The following CCNK variants were observed in gnomAD, a reference collection of about 807,000 sequenced individuals.
The protein encoded by CCNK is cyclin K.
Under a neutral mutation model 65.0 loss-of-function variants are expected in CCNK, and 9 were observed. That is an observed-to-expected ratio of 0.14 (90% CI 0.08 to 0.24). The LOEUF is 0.24. Ranked by LOEUF, CCNK falls within the 10% of genes least tolerant of loss-of-function variation. CCNK has a pLI of 1.00. For synonymous variants in CCNK, 279 were observed against 270.8 expected, an observed-to-expected ratio of 1.03 and a Z score of -0.30; for missense variants, 474 against 720.0, an observed-to-expected ratio of 0.66 and a Z score of 3.91.
At chr14:99,488,325 T>C (rs1226894578) in intron 1 of CCNK, among the ~76,000 whole-genome samples, 1 of 152,118 alleles carries the variant, frequency 6.6e-6, no homozygotes, top group Admixed American at 6.5e-5. Flanking sequence ...ACATTGCATT[T>C]TGTTGTAGCC....
At chr14:99,507,208 GC>G in intron 10 of CCNK, 61 bp downstream of exon 10, 1 of 995,076 alleles carries the variant, frequency 1.0e-6, no homozygotes. Flanking sequence ...GTTGGACGCA[GC>G]AGGTCCTGGG....
intron 1 of CCNK, among the ~76,000 whole-genome samples, chr14:99,485,211 C>T (rs1446293485): frequency 1.3e-5 from 2 of 152,122 alleles, no homozygotes; most frequent in African/African-American, 4.8e-5. Context: ...AGGAGTTTGG[C>T]CAGTTACAGA....
chr14:99,482,531 A>G (rs965933158), intron 1 of CCNK, among the ~76,000 whole-genome samples: 1 of 152,212 alleles, frequency 6.6e-6, no homozygotes, highest in African/African-American at 2.4e-5. Flanking sequence ...TTGACTATGA[A>G]TATAATAATT....
Position 99,510,350 on chromosome 14 carries a change from C to T in CCNK, c.1311C>T (p.Ser437=), listed in dbSNP as rs1422541803. The part of the protein sequence containing the change: ...SYMTGMSTTS[S]YMSGEGYQSL... The stretch of plus-strand genomic sequence containing the variant: ...TGACCGGGATGTCCACCACCAGCTC[C>T]TACATGTCTGGAGAGGGCTACCAGA... Residue 437 remains serine, a synonymous_variant, in exon 11 of 11, where the codon TCC becomes TCT. Transcript: ENST00000389879. 1 of 1,591,562 alleles carries T rather than the reference C, an allele frequency of 6.3e-7. No homozygotes were observed. Among genetic ancestry groups the T allele is most frequent in the East Asian group, 2.3e-5 (1 of 43,992 alleles).
At chr14:99,506,920 A>G in intron 9 of CCNK, 156 bp from the exon 10 acceptor site, 1 of 643,294 alleles carries the variant, frequency 1.6e-6, no homozygotes, top group South Asian at 1.8e-5. Flanking sequence ...TTCATGCATA[A>G]TGGTTTAGCT....
chr14:99,493,456 TTAAC>T, intron 2 of CCNK, 54 bp from the exon 3 acceptor site: 1 of 1,055,260 alleles, frequency 9.5e-7, no homozygotes, highest in South Asian at 1.5e-5. Flanking sequence ...TTTTCTACAT[TTAAC>T]TAAGAGTATA....
At chr14:99,503,983 C>A in intron 9 of CCNK, 1 of 363,616 alleles carries the variant, frequency 2.8e-6, no homozygotes, top group Non-Finnish European at 5.3e-6. Context: ...AGTCCTCTCC[C>A]AAGCACCAAG....
chr14:99,486,875 G>A (rs949282511), intron 1 of CCNK, among the ~76,000 whole-genome samples: 4 of 70,240 alleles, frequency 5.7e-5, no homozygotes, highest in African/African-American at 1.7e-4. Context: ...CCTTACATGC[G>A]TTATTATTTG....
chr14:99,501,570 C>T (rs1896825476), intron 6 of CCNK, 157 bp downstream of exon 6: 5 of 596,626 alleles, frequency 8.4e-6, no homozygotes, highest in African/African-American at 1.9e-5. Flanking sequence ...ACGTCCAGGT[C>T]ATCTGCTTCC....
intron 5 of CCNK, 126 bp from the exon 6 acceptor site, chr14:99,501,230 C>G (rs1235494541): frequency 2.6e-5 from 18 of 680,146 alleles, no homozygotes; most frequent in Non-Finnish European, 3.9e-5. Flanking sequence ...TCCTTGTTTC[C>G]CACGCAAAAG....
intron 2 of CCNK, 38 bp downstream of exon 2, chr14:99,492,912 T>G: frequency 6.7e-7 from 1 of 1,486,704 alleles, no homozygotes; most frequent in Non-Finnish European, 9.0e-7. Context: ...ACAGATAGGC[T>G]CCCCACTCAC....
Position 99,501,372 on chromosome 14 carries a change from T to A in CCNK, c.534T>A (p.Ile178=). The A allele has an allele frequency of 6.2e-7, 1 of 1,606,430 alleles. No individual in the cohort carries two copies. The highest frequency in any genetic ancestry group is 8.5e-7 in the Non-Finnish European group (1 of 1,174,734). Residue 178 remains isoleucine (I), a synonymous_variant, in exon 6 of 11, where the codon ATT becomes ATA. Transcript: ENST00000389879. The part of the protein sequence containing the change: ...AKQLKGDKNK[I]QKLVQMAWTF... ...CATTTCTAGGTGATAAAAACAAAAT[T>A]CAAAAGTTGGTTCAAATGGCATGGA...
At chr14:99,487,474 G>C (rs541902665) in intron 1 of CCNK, among the ~76,000 whole-genome samples, 5 of 152,274 alleles carry the variant, frequency 3.3e-5, no homozygotes, top group Admixed American at 3.3e-4. Context: ...ATGTCCCCTG[G>C]GGGGCAAAAT....
At chr14:99,497,505 T>G (rs1896727585) in intron 4 of CCNK, among the ~76,000 whole-genome samples, 1 of 152,242 alleles carries the variant, frequency 6.6e-6, no homozygotes, top group South Asian at 2.1e-4. Context: ...AATGCCTCAT[T>G]CAGTGGCAGG....
In CCNK at chr14:99,502,723, C is replaced by T. The variant is rs1341289635; in HGVS notation, c.750C>T (p.Ile250=). The part of the protein sequence containing the change: ...QDVPVDVLED[I]CHQILDLYSQ... ...TAATTGTTGGCTATCATTTAGACAT[C>T]TGCCACCAAATCCTGGATCTTTACT... Residue 250 remains isoleucine, a synonymous_variant, in exon 8 of 11, where the codon ATC becomes ATT. Transcript: ENST00000389879. The T allele has an allele frequency of 1.2e-6, 2 of 1,612,412 alleles. No individual in the cohort carries two copies. Among genetic ancestry groups the T allele is most frequent in the Non-Finnish European group, 1.7e-6 (2 of 1,178,576 alleles).
At chr14:99,507,834 G>T (rs1470936039) in intron 10 of CCNK, 1 of 152,250 alleles carries the variant, frequency 6.6e-6, no homozygotes, top group African/African-American at 2.4e-5. Flanking sequence ...AAATGAAAGA[G>T]TGAAAAGTTC....
rs1362934480 is a variant in CCNK at position 99,502,382 on chromosome 14, A to G, written c.745+6A>G. 7 of 1,612,972 alleles carry G rather than the reference A, an allele frequency of 4.3e-6. No homozygotes were observed. In the African/African-American group the frequency reaches 5.3e-5, roughly 12 times the overall value. ...CCCGGTCGACGTTTTGGAAGGTACC[A>G]GGCATGCTAAGCGTTCTCGTGAGGG... On this transcript the variant is annotated splice_donor_region_variant and intron_variant, in intron 7 of 10. Transcript: ENST00000389879.
Position 99,512,337 on chromosome 14 carries a change from A to G in CCNK, c.*1555A>G, listed in dbSNP as rs1286521860. On this transcript the variant is annotated 3_prime_UTR_variant, in exon 11 of 11. Transcript: ENST00000389879. The stretch of plus-strand genomic sequence containing the variant: ...CCCGGGGACAGAAACCAGACGTTCC[A>G]GTCCATCTCCAAAAAGCAGCACAAA... The G allele has an allele frequency of 6.6e-6, 1 of 152,052 alleles. No individual in the cohort carries two copies. The allele number at this position is 152,052 out of a possible 1,614,324, so 9.4% of individuals were successfully genotyped here.
rs1163937581 is a variant in CCNK, at chr14:99,512,089, CTTGT to C, written c.*1313_*1316del. ...AGCTCAAAGTAGACACTATCACAAT[CTTGT>C]TTGTTACTCCTTTTACTAAAATAGT... On this transcript the variant is annotated 3_prime_UTR_variant, in exon 11 of 11. Coordinates refer to ENST00000389879, the MANE Select transcript of CCNK (RefSeq NM_001099402.2). 2.6e-5 allele frequency: 4 copies of C among 152,242 alleles called. No homozygotes were observed. Among genetic ancestry groups the C allele is most frequent in the South Asian group, 2.1e-4 (1 of 4,834 alleles). 9.4% of individuals were successfully genotyped at this position (152,242 alleles called of 1,614,324 possible). A position where few individuals can be genotyped will look rare whatever the true frequency, so the allele number is the denominator to read the frequency against.
Sources: gnomAD v4.1 joint callset for allele counts (sites outside exome capture counted in the v4.1 genomes callset) on GRCh38, gnomAD v4.1.1 for gene constraint, MANE v1.5 for transcripts, NCBI Gene and HGNC (gene_info 2026-07-23, HGNC 2026-07-21) for gene names.